Variants in CCDC186 observed in about 807,000 individuals in gnomAD.
The protein encoded by CCDC186 is coiled-coil domain-containing protein 186.
CCDC186 carries 49 observed loss-of-function variants against 113.7 expected under a neutral mutation model. That is an observed-to-expected ratio of 0.43 (90% confidence interval 0.34 to 0.55). The LOEUF is 0.55. Ranked by LOEUF, CCDC186 falls within the 20% of genes least tolerant of loss-of-function variation. CCDC186 has a pLI of 0.02. For missense variants in CCDC186, 890 were observed against 1,011.1 expected, an observed-to-expected ratio of 0.88 and a Z score of 1.62; for synonymous variants, 355 against 345.8, an observed-to-expected ratio of 1.03 and a Z score of -0.30.
intron 6 of CCDC186, among the ~76,000 whole-genome samples, chr10:114,140,382 G>C (rs934365948): frequency 2.6e-5 from 4 of 152,218 alleles, no homozygotes; most frequent in Admixed American, 2.0e-4. Context: ...CTTTTGGCCT[G>C]AGCAATGAGA....
intron 6 of CCDC186, among the ~76,000 whole-genome samples, chr10:114,142,728 A>G (rs1264799528): frequency 9.9e-5 from 15 of 152,174 alleles, no homozygotes; most frequent in Admixed American, 9.8e-4. Context: ...ACTGATCACA[A>G]TGGATCCAGT....
intron 5 of CCDC186, 45 bp downstream of exon 5, chr10:114,145,504 A>C: frequency 1.4e-6 from 2 of 1,460,098 alleles, no homozygotes. Flanking sequence ...CAAAGAGAAC[A>C]AATTTCAAAT....
chr10:114,142,514 G>T (rs1589616283), intron 6 of CCDC186, among the ~76,000 whole-genome samples: 1 of 152,168 alleles, frequency 6.6e-6, no homozygotes, highest in Non-Finnish European at 1.5e-5. Context: ...GGTACACTGG[G>T]GGAAATTCAT....
Position 114,138,152 on chromosome 10 carries a change from A to C in CCDC186, c.1222-862T>G, listed in dbSNP as rs1012042446. On this transcript the variant is annotated intron_variant, in intron 6 of 15. Coordinates refer to ENST00000369287, the MANE Select transcript of CCDC186 (RefSeq NM_018017.4). ...CTACTCGGGAGGCTGAGGCAGGAGA[A>C]TTGTTTGAACCCAGGAGGCAGCAGT... Among the ~76,000 whole-genome samples, 43 of 146,190 alleles carry C rather than the reference A, an allele frequency of 2.9e-4. 1 individual carries two copies. Among genetic ancestry groups the C allele is most frequent in the Admixed American group, 2.6e-3 (38 of 14,512 alleles).
rs968180622 is a variant in CCDC186, at chr10:114,121,150, C to A, written c.*3993G>T. 2 of 152,018 alleles carry A rather than the reference C, an allele frequency of 1.3e-5. No homozygotes were observed. The highest frequency in any genetic ancestry group is 1.5e-5 in the Non-Finnish European group (1 of 67,994). 9.4% of individuals were successfully genotyped at this position (152,018 alleles called of 1,614,324 possible). On this transcript the variant is annotated 3_prime_UTR_variant, in exon 16 of 16. Coordinates refer to ENST00000369287, the MANE Select transcript of CCDC186 (RefSeq NM_018017.4). Reference sequence around the variant, plus strand: ...TTTTTCATTTATTTTCCTAAAAATTCTCCATGTTTAGATTACCTTTTCAAT... The same window carrying A: ...TTTTTCATTTATTTTCCTAAAAATTATCCATGTTTAGATTACCTTTTCAAT...
At chr10:114,127,820 G>A (rs529976874) in intron 13 of CCDC186, 149 bp from the exon 14 acceptor site, 10 of 717,814 alleles carry the variant, frequency 1.4e-5, no homozygotes, top group African/African-American at 1.3e-4. Context: ...CTGAGGTTCT[G>A]GTTTCTGAAT....
In CCDC186 at chr10:114,164,245, C is replaced by G. The variant is rs577109913; in HGVS notation, c.-61-916G>C. 4.4e-3 allele frequency among the ~76,000 whole-genome samples: 657 copies of G among 150,194 alleles called. 5 individuals are homozygous for G. The highest frequency in any genetic ancestry group is 0.015 in the African/African-American group (609 of 40,836). On this transcript the variant is annotated intron_variant, in intron 1 of 15. Transcript: ENST00000369287. ...CAGCAATTCTCCTGCCTCAGCCTCCCGAGTAGCTGAGACTACAGGTGCCCA... is the reference window on the plus strand; with the variant it reads ...CAGCAATTCTCCTGCCTCAGCCTCCGGAGTAGCTGAGACTACAGGTGCCCA...
In CCDC186 at chr10:114,145,624, T is replaced by C. The variant is rs2031611905; in HGVS notation, c.1026A>G (p.Glu342=). ...TAATTTTGTTAGTGTTTTTCTCAAG[T>C]TCCTTATTTGCATCTCTAAGTTTTT... ...LEKKLRDANK[E]LEKNTNKIKQ... is the part of the protein sequence containing the mutation. Residue 342 remains glutamate, a synonymous_variant, in exon 5 of 16, where the codon GAA becomes GAG. Transcript: ENST00000369287. The C allele has an allele frequency of 1.2e-6, 2 of 1,613,434 alleles. No homozygotes were observed. Among genetic ancestry groups the C allele is most frequent in the South Asian group, 2.2e-5 (2 of 90,878 alleles).
chr10:114,124,856 T>A lies in CCDC186; in HGVS notation c.*287A>T, dbSNP rs1020931859. 1.0e-5 allele frequency: 3 copies of A among 286,528 alleles called. No individual in the cohort carries two copies. The highest frequency in any genetic ancestry group is 6.5e-5 in the African/African-American group (3 of 46,130). The allele number at this position is 286,528 out of a possible 1,614,324, so 17.7% of individuals were successfully genotyped here. On this transcript the variant is annotated 3_prime_UTR_variant, in exon 16 of 16. Coordinates refer to ENST00000369287, the MANE Select transcript of CCDC186 (RefSeq NM_018017.4). ...AACAAAGGGTTTTTTATAAAAGCCC[T>A]TGTAATGTTCAACACTTCTTATGAA...
intron 7 of CCDC186, among the ~76,000 whole-genome samples, chr10:114,136,622 C>T (rs1010182332): frequency 4.6e-5 from 7 of 151,912 alleles, no homozygotes; most frequent in African/African-American, 1.7e-4. Context: ...AGGTTATTAA[C>T]CTAAAGTTAT....
Position 114,137,261 on chromosome 10 carries a change from T to G in CCDC186, c.1251A>C (p.Thr417=). ...KETKDKLKET[T]TKLTQAKEEA... The stretch of plus-strand genomic sequence containing the variant: ...CTTCCTTTGCTTGTGTTAATTTTGT[T>G]GTTGTTTCTTTGAGTTTATCTTTGG... Residue 417 remains threonine, a synonymous_variant, in exon 7 of 16, where the codon ACA becomes ACC. Transcript: ENST00000369287. The G allele has an allele frequency of 6.2e-7, 1 of 1,613,706 alleles. No individual in the cohort carries two copies. Among genetic ancestry groups the G allele is most frequent in the Non-Finnish European group, 8.5e-7 (1 of 1,179,968 alleles).
At chr10:114,163,904 T>C (rs1277109983) in intron 1 of CCDC186, among the ~76,000 whole-genome samples, 1 of 151,994 alleles carries the variant, frequency 6.6e-6, no homozygotes, top group Non-Finnish European at 1.5e-5. Flanking sequence ...AAAGAATCCC[T>C]GGTAGAAATT....
intron 1 of CCDC186, among the ~76,000 whole-genome samples, chr10:114,163,614 A>G (rs1288889728): frequency 1.3e-5 from 2 of 152,302 alleles, no homozygotes; most frequent in South Asian, 2.1e-4. Context: ...AATCATCCCC[A>G]TAAGATGTTA....
intron 15 of CCDC186, 128 bp from the exon 16 acceptor site, chr10:114,125,354 C>A: frequency 1.6e-6 from 1 of 606,518 alleles, no homozygotes; most frequent in South Asian, 2.2e-5. Flanking sequence ...AATGCTATGT[C>A]AGATAAACTA....
chr10:114,153,501 G>A (rs1047271924), intron 3 of CCDC186, among the ~76,000 whole-genome samples: 38 of 152,048 alleles, frequency 2.5e-4, no homozygotes, highest in African/African-American at 8.5e-4. Context: ...AAAGAAGAAA[G>A]GGGGCCAGGC....
chr10:114,165,308 C>T (rs1324121824), intron 1 of CCDC186, among the ~76,000 whole-genome samples: 1 of 152,214 alleles, frequency 6.6e-6, no homozygotes, highest in Non-Finnish European at 1.5e-5. Context: ...CTCGTAAGTA[C>T]TCTGTATTCC....
At chr10:114,160,728 T>A (rs2032147664) in intron 2 of CCDC186, among the ~76,000 whole-genome samples, 1 of 152,162 alleles carries the variant, frequency 6.6e-6, no homozygotes. Flanking sequence ...GATGCATTCA[T>A]TAAAATTTCA....
At position 114,125,035 on chromosome 10, in the gene CCDC186, A is replaced by G. The variant is rs1299420299; in HGVS notation, c.*108T>C. The stretch of plus-strand genomic sequence containing the variant: ...TTTTGTGTACAGATGAAGCAAAACA[A>G]TATTTTTACTGGCTGAAACAAAAAG... On this transcript the variant is annotated 3_prime_UTR_variant, in exon 16 of 16. Transcript: ENST00000369287. 6.7e-6 allele frequency: 5 copies of G among 748,184 alleles called. No individual in the cohort carries two copies. Among genetic ancestry groups the G allele is most frequent in the South Asian group, 4.0e-5 (2 of 49,724 alleles). The allele number at this position is 748,184 out of a possible 1,614,324, so 46.3% of individuals were successfully genotyped here. A position where few individuals can be genotyped will look rare whatever the true frequency, so the allele number is the denominator to read the frequency against.
At position 114,162,845 on chromosome 10, in the gene CCDC186, C is replaced by T; in HGVS notation, c.424G>A (p.Asp142Asn). The T allele has an allele frequency of 6.2e-7, 1 of 1,613,962 alleles. No homozygotes were observed. The highest frequency in any genetic ancestry group is 8.5e-7 in the Non-Finnish European group (1 of 1,179,934). Residue 142 changes from aspartate (D) to asparagine (N), a missense_variant, in exon 2 of 16, where the codon GAT (aspartate) becomes AAT (asparagine). Coordinates refer to ENST00000369287, the MANE Select transcript of CCDC186 (RefSeq NM_018017.4). ...NEKTYSESPY[D>N]TDCTKKFISK... ...ATAAATTTCTTGGTGCAGTCTGTAT[C>T]ATAGGGGCTTTCTGAATAAGTCTTT... is the stretch of plus-strand genomic sequence containing the variant.
Sources: gnomAD v4.1 joint callset for allele counts (sites outside exome capture counted in the v4.1 genomes callset) on GRCh38, gnomAD v4.1.1 for gene constraint, MANE v1.5 for transcripts, NCBI Gene and HGNC (gene_info 2026-07-23, HGNC 2026-07-21) for gene names.